SEC63: variants seen among roughly 807,000 people sequenced by gnomAD.
SEC63 encodes translocation protein SEC63 homolog.
In SEC63, 56 loss-of-function variants were observed where a neutral mutation model predicts 116.2. The observed-to-expected ratio is 0.48, with a 90% CI of 0.39 to 0.60. The LOEUF (loss-of-function observed/expected upper bound fraction) is 0.60, where lower values mean the gene tolerates loss of function less well. Among genes scored for constraint, SEC63 ranks in the 20% least tolerant of loss-of-function variants. The pLI is 0.00. For missense variants in SEC63, 668 were observed against 900.0 expected (o/e 0.74, Z 3.30); for synonymous variants, 273 against 294.6 (o/e 0.93, Z 0.75).
Position 107,868,122 on chromosome 6 carries a change from G to A in SEC63, c.*3582C>T, listed in dbSNP as rs1230843206. On this transcript the variant is annotated 3_prime_UTR_variant, in exon 21 of 21. Coordinates refer to ENST00000369002, the MANE Select transcript of SEC63 (RefSeq NM_007214.5). ...TATTTGGACTAATCACTACACAGCTGGCAAAATGTTATGGTTCACCAACAG... is the reference window on the plus strand; with the variant it reads ...TATTTGGACTAATCACTACACAGCTAGCAAAATGTTATGGTTCACCAACAG... The A allele has an allele frequency of 9.4e-5, 1 of 10,686 alleles. No homozygotes were observed. Among genetic ancestry groups the A allele is most frequent in the Non-Finnish European group, 2.9e-4 (1 of 3,452 alleles). The allele number at this position is 10,686 out of a possible 1,614,324, so 0.7% of individuals were successfully genotyped here. A position where few individuals can be genotyped will look rare whatever the true frequency, so the allele number is the denominator to read the frequency against.
intron 16 of SEC63, among the ~76,000 whole-genome samples, chr6:107,889,275 T>C (rs1253078730): frequency 6.6e-6 from 1 of 152,214 alleles, no homozygotes; most frequent in Non-Finnish European, 1.5e-5. Flanking sequence ...CAGAGCTTGT[T>C]ATTGATCTAG....
At chr6:107,908,233 C>G (rs567591449) in intron 8 of SEC63, among the ~76,000 whole-genome samples, 1 of 152,058 alleles carries the variant, frequency 6.6e-6, no homozygotes, top group African/African-American at 2.4e-5. Context: ...GATGGAGGAG[C>G]AGCTATGATT....
intron 7 of SEC63, among the ~76,000 whole-genome samples, chr6:107,910,917 A>C (rs1458289673): frequency 2.6e-5 from 4 of 152,104 alleles, no homozygotes; most frequent in South Asian, 2.1e-4. Context: ...ACAGGGTTTC[A>C]CCATGTTGGT....
chr6:107,868,377 G>C lies in SEC63; in HGVS notation c.*3327C>G, dbSNP rs1172488842. 6.6e-6 allele frequency: 1 copy of C among 152,084 alleles called. No homozygotes were observed. Among genetic ancestry groups the C allele is most frequent in the Non-Finnish European group, 1.5e-5 (1 of 68,042 alleles). 9.4% of individuals were successfully genotyped at this position (152,084 alleles called of 1,614,324 possible). ...GCTGATCACTTGAGGCCAGGAGTTC[G>C]AGACCAGGCTGGACAACGTGGCAAA... On this transcript the variant is annotated 3_prime_UTR_variant, in exon 21 of 21. Coordinates refer to ENST00000369002, the MANE Select transcript of SEC63 (RefSeq NM_007214.5).
chr6:107,921,233 T>C (rs1787548834), intron 4 of SEC63, among the ~76,000 whole-genome samples: 1 of 152,020 alleles, frequency 6.6e-6, no homozygotes, highest in Non-Finnish European at 1.5e-5. Context: ...GATCTAAGTA[T>C]ACCCTCCTCT....
chr6:107,953,569 T>TG (rs555871759), intron 1 of SEC63, among the ~76,000 whole-genome samples: 6,506 of 80,726 alleles, frequency 0.081, 572 homozygotes, highest in African/African-American at 0.31. Flanking sequence ...GGGAGGGAGG[T>TG]GGGGGGGTCA....
At chr6:107,939,781 T>G (rs1770334551) in intron 1 of SEC63, among the ~76,000 whole-genome samples, 1 of 151,994 alleles carries the variant, frequency 6.6e-6, no homozygotes. Context: ...AAAAAAAAAT[T>G]TTTAAAAACA....
At chr6:107,872,446 T>G (rs905990152) in intron 20 of SEC63, among the ~76,000 whole-genome samples, 3 of 151,482 alleles carry the variant, frequency 2.0e-5, no homozygotes, top group Non-Finnish European at 4.4e-5. Context: ...TGCTCTAAGA[T>G]GACAAAAATA....
chr6:107,929,616 T>C, intron 1 of SEC63, 102 bp from the exon 2 acceptor site: 1 of 702,760 alleles, frequency 1.4e-6, no homozygotes. Context: ...GCTAATAGTT[T>C]AATGGAACAT....
intron 1 of SEC63, among the ~76,000 whole-genome samples, chr6:107,931,501 A>T (rs1787805662): frequency 7.4e-6 from 1 of 135,644 alleles, no homozygotes; most frequent in Non-Finnish European, 1.6e-5. Flanking sequence ...AAAAAAAAAA[A>T]TGTATTGGGA....
intron 4 of SEC63, 152 bp downstream of exon 4, chr6:107,921,645 T>C (rs1787558348): frequency 4.5e-6 from 3 of 673,252 alleles, no homozygotes; most frequent in Non-Finnish European, 8.1e-6. Context: ...AGAGATGGGG[T>C]CTTGGTATGT....
intron 1 of SEC63, among the ~76,000 whole-genome samples, chr6:107,945,255 C>T (rs1358186623): frequency 2.0e-5 from 3 of 151,734 alleles, no homozygotes; most frequent in Non-Finnish European, 4.4e-5. Flanking sequence ...CACGAGAAAA[C>T]TCCTACTGAC....
At chr6:107,956,723 C>A (rs1770719861) in intron 1 of SEC63, among the ~76,000 whole-genome samples, 1 of 151,970 alleles carries the variant, frequency 6.6e-6, no homozygotes, top group African/African-American at 2.4e-5. Context: ...TCCTGCAGAT[C>A]ACATGGGGCG....
At chr6:107,926,266 T>C (rs1787672248) in intron 2 of SEC63, among the ~76,000 whole-genome samples, 2 of 152,208 alleles carry the variant, frequency 1.3e-5, no homozygotes, top group Non-Finnish European at 2.9e-5. Flanking sequence ...ATCTTAATAA[T>C]AACTAGCTTT....
intron 11 of SEC63, 140 bp from the exon 12 acceptor site, chr6:107,903,138 G>A: frequency 2.3e-6 from 2 of 857,298 alleles, no homozygotes; most frequent in South Asian, 3.0e-5. Context: ...TCCTTTAAAA[G>A]TTACCAGAGA....
At chr6:107,892,547 A>C (rs982974820) in intron 16 of SEC63, among the ~76,000 whole-genome samples, 7 of 152,184 alleles carry the variant, frequency 4.6e-5, no homozygotes, top group Non-Finnish European at 1.0e-4. Context: ...AGATGACCTC[A>C]CTGACGAAAA....
chr6:107,883,679 C>T (rs560094922), intron 16 of SEC63, among the ~76,000 whole-genome samples: 29 of 150,560 alleles, frequency 1.9e-4, no homozygotes, highest in Non-Finnish European at 3.1e-4. Context: ...TGGTGGTACA[C>T]GTCTGTAGTC....
At chr6:107,907,264 G>A (rs1490617293) in intron 8 of SEC63, among the ~76,000 whole-genome samples, 2 of 152,126 alleles carry the variant, frequency 1.3e-5, no homozygotes, top group Non-Finnish European at 2.9e-5. Flanking sequence ...AGGATTTTGT[G>A]GAAATACACA....
In SEC63 at chr6:107,929,388, G is replaced by A. The variant is rs1407051819; in HGVS notation, c.224+27C>T. The stretch of plus-strand genomic sequence containing the variant: ...CTAGCAAAGAGTAAGCATTAAGTAG[G>A]TTTTTTTCTTGAAATCCATTACTTA... On this transcript the variant is annotated intron_variant, in intron 2 of 20. Coordinates refer to ENST00000369002, the MANE Select transcript of SEC63 (RefSeq NM_007214.5). 1.2e-5 allele frequency: 15 copies of A among 1,222,282 alleles called. No homozygotes were observed. The South Asian group carries it at 1.8e-4, about 15-fold the overall frequency. 75.7% of individuals were successfully genotyped at this position (1,222,282 alleles called of 1,614,324 possible).
Sources: allele counts gnomAD v4.1 joint callset (sites outside exome capture counted in the v4.1 genomes callset), GRCh38; gene constraint gnomAD v4.1.1; transcripts MANE v1.5; gene names NCBI Gene and HGNC (gene_info 2026-07-23, HGNC 2026-07-21).